Variants in SRBD1 observed in about 807,000 individuals in gnomAD.
The protein encoded by SRBD1 is S1 RNA-binding domain-containing protein 1.
A neutral mutation model predicts 115.3 loss-of-function variants in SRBD1; 88 were observed. That is an observed-to-expected ratio of 0.76 (90% CI 0.64 to 0.91). The LOEUF (loss-of-function observed/expected upper bound fraction) is 0.91. Among genes scored for constraint, SRBD1 ranks in the 40% least tolerant of loss-of-function variants. The pLI is 0.00. For missense variants in SRBD1, 1,385 were observed against 1,177.4 expected, an observed-to-expected ratio of 1.18 and a Z score of -2.58; for synonymous variants, 509 against 407.7, an observed-to-expected ratio of 1.25 and a Z score of -2.99.
intron 4 of SRBD1, 131 bp downstream of exon 4, chr2:45,599,318 C>T (rs1674011602): frequency 1.5e-6 from 2 of 1,308,986 alleles, no homozygotes; most frequent in Admixed American, 2.3e-5. Context: ...AGGAAAGCCT[C>T]CAGAAATCAC....
Position 45,389,489 on chromosome 2 carries a change from C to T in SRBD1, c.2809G>A (p.Asp937Asn). The change falls in exon 21 of 21, where the codon GAT (aspartate) becomes AAT (asparagine). Residue 937 changes from aspartate (D) to asparagine (N), a missense_variant. Physicochemically the swap from Asp to Asn is conservative, Grantham distance 23. Coordinates refer to ENST00000263736, the MANE Select transcript of SRBD1 (RefSeq NM_018079.5). ...ENATLFGIFV[D>N]IGVGKSGLIP... ...AGCCCAGATTTCCCCACTCCTATAT[C>T]CACAAAAATTCCAAAGAGAGTGGCA... 6.2e-7 allele frequency: 1 copy of T among 1,614,054 alleles called. No individual in the cohort carries two copies.
chr2:45,580,005 T>C lies in SRBD1; in HGVS notation c.942A>G (p.Pro314=), dbSNP rs374183702. The stretch of plus-strand genomic sequence containing the variant: ...TAGTCCCTTTGCTTCCAGTTTTATA[T>C]GGAGCAGACTAGAAAATAAAGACAG... The part of the protein sequence containing the change: ...TFEELEHVSA[P]YKTGSKGTKA... Residue 314 remains proline (P), a synonymous_variant, in exon 7 of 21, where the codon CCA becomes CCG. Transcript: ENST00000263736. The C allele has an allele frequency of 7.1e-6, 11 of 1,549,966 alleles. No individual in the cohort carries two copies. The East Asian group carries it at 1.8e-4, about 26-fold the overall frequency.
At chr2:45,532,190 A>G (rs2103985776) in intron 14 of SRBD1, among the ~76,000 whole-genome samples, 1 of 151,670 alleles carries the variant, frequency 6.6e-6, no homozygotes, top group Middle Eastern at 3.4e-3. Flanking sequence ...GCACCATCAC[A>G]ACCACCCTCC....
Position 45,553,731 on chromosome 2 carries a change from C to G in SRBD1, c.1410-1G>C, listed in dbSNP as rs778601109. The G allele has an allele frequency of 1.3e-6, 2 of 1,563,472 alleles. No homozygotes were observed. Among genetic ancestry groups the G allele is most frequent in the Non-Finnish European group, 1.7e-6 (2 of 1,158,188 alleles). ...CCTTGCAAAGCTACGTGGTCTCCAC[C>G]TGCAAAACAGAAAAGCCCACACTAA... On this transcript the variant is annotated splice_acceptor_variant, in intron 10 of 20. Transcript: ENST00000263736. LOFTEE classifies it high-confidence loss of function.
At chr2:45,450,139 G>C (rs1668949502) in intron 16 of SRBD1, among the ~76,000 whole-genome samples, 2 of 152,270 alleles carry the variant, frequency 1.3e-5, no homozygotes, top group South Asian at 2.1e-4. Flanking sequence ...TTCATCTCGT[G>C]AGAGTGTTAT....
chr2:45,424,154 TTTTTCTTCACAGCA>T (rs986179597), intron 16 of SRBD1, among the ~76,000 whole-genome samples: 3 of 152,160 alleles, frequency 2.0e-5, no homozygotes, highest in Non-Finnish European at 4.4e-5. Context: ...ATTTTCTCAA[TTTTTCTTCACAGCA>T]TTTTCTTCCC....
At chr2:45,561,098 C>T (rs984490306) in intron 10 of SRBD1, among the ~76,000 whole-genome samples, 1 of 152,012 alleles carries the variant, frequency 6.6e-6, no homozygotes, top group Non-Finnish European at 1.5e-5. Context: ...CAGAGTGAGA[C>T]CCTGTCTCTC....
intron 9 of SRBD1, among the ~76,000 whole-genome samples, chr2:45,571,619 A>C (rs1265394891): frequency 6.6e-6 from 1 of 151,762 alleles, no homozygotes; most frequent in Non-Finnish European, 1.5e-5. Flanking sequence ...TGCTGAATTC[A>C]AGAAAATCAT....
intron 12 of SRBD1, among the ~76,000 whole-genome samples, chr2:45,549,453 T>C (rs766605839): frequency 2.6e-5 from 4 of 151,432 alleles, no homozygotes; most frequent in African/African-American, 7.3e-5. Context: ...CTATATAGAA[T>C]GATTATTTTT....
chr2:45,462,448 A>C (rs1669344970), intron 16 of SRBD1, among the ~76,000 whole-genome samples: 1 of 152,172 alleles, frequency 6.6e-6, no homozygotes, highest in South Asian at 2.1e-4. Context: ...TAAATAATGA[A>C]ACAAAAGCCT....
chr2:45,510,657 G>A (rs1454616684), intron 14 of SRBD1, among the ~76,000 whole-genome samples: 7 of 152,276 alleles, frequency 4.6e-5, no homozygotes, highest in East Asian at 3.9e-4. Context: ...GACTAAAATC[G>A]TTTCCCTGAA....
At chr2:45,485,492 A>G (rs1173802557) in intron 15 of SRBD1, among the ~76,000 whole-genome samples, 3 of 152,134 alleles carry the variant, frequency 2.0e-5, no homozygotes, top group East Asian at 1.9e-4. Flanking sequence ...CATACACTCA[A>G]TCTTCCACTT....
chr2:45,551,056 T>C (rs1269134895), intron 12 of SRBD1, 69 bp downstream of exon 12: 2 of 1,510,482 alleles, frequency 1.3e-6, no homozygotes, highest in East Asian at 2.4e-5. Flanking sequence ...CAAATCCTCA[T>C]GAAATGTATG....
intron 14 of SRBD1, among the ~76,000 whole-genome samples, chr2:45,511,125 AG>A (rs1463938906): frequency 2.0e-5 from 3 of 152,250 alleles, no homozygotes. Context: ...ACTGAATTGC[AG>A]GCTGTACAAG....
intron 14 of SRBD1, among the ~76,000 whole-genome samples, chr2:45,500,956 T>C (rs1359819621): frequency 1.3e-5 from 2 of 152,232 alleles, no homozygotes; most frequent in African/African-American, 4.8e-5. Flanking sequence ...ATACTTGTCT[T>C]GTTCTGTATC....
Position 45,448,941 on chromosome 2 carries a change from G to A in SRBD1, c.2049+28052C>T, listed in dbSNP as rs1044583307. 5.3e-5 allele frequency among the ~76,000 whole-genome samples: 8 copies of A among 151,994 alleles called. No homozygotes were observed. In the East Asian group the frequency reaches 1.2e-3, roughly 22 times the overall value. Reference sequence around the variant, plus strand: ...TGGGGCAACTCATCTTAACTTTTACGGATATTTCCTTCAGGTTTTCCTAGG... The same window carrying A: ...TGGGGCAACTCATCTTAACTTTTACAGATATTTCCTTCAGGTTTTCCTAGG... On this transcript the variant is annotated intron_variant, in intron 16 of 20. Transcript: ENST00000263736.
intron 16 of SRBD1, among the ~76,000 whole-genome samples, chr2:45,453,500 C>A (rs1669059837): frequency 6.6e-6 from 1 of 151,918 alleles, no homozygotes; most frequent in African/African-American, 2.4e-5. Flanking sequence ...AATTACATTA[C>A]TTTTAATCAC....
At position 45,573,356 on chromosome 2, in the gene SRBD1, C is replaced by A. The variant is rs751538421; in HGVS notation, c.1170-14G>T. 3.1e-5 allele frequency: 50 copies of A among 1,592,062 alleles called. No individual in the cohort carries two copies. In the East Asian group the frequency reaches 9.4e-4, roughly 30 times the overall value. Reference sequence around the variant, plus strand: ...CTCTTCTGGCACCTGTTCAGATACACAAGTGTTCAAAAAACAAGCAGTTAT... The same window carrying A: ...CTCTTCTGGCACCTGTTCAGATACAAAAGTGTTCAAAAAACAAGCAGTTAT... On this transcript the variant is annotated splice_polypyrimidine_tract_variant and intron_variant, in intron 8 of 20. Coordinates refer to ENST00000263736, the MANE Select transcript of SRBD1 (RefSeq NM_018079.5).
rs888987512 is a variant in SRBD1 at position 45,530,764 on chromosome 2, G to C, written c.1874+15968C>G. ...CCAGAGGTCACTCTTCCAAATACAG[G>C]GGCTGAACCATATATGGTATATGGC... On this transcript the variant is annotated intron_variant, in intron 14 of 20. Coordinates refer to ENST00000263736, the MANE Select transcript of SRBD1 (RefSeq NM_018079.5). 2.6e-5 allele frequency among the ~76,000 whole-genome samples: 4 copies of C among 151,884 alleles called. No individual in the cohort carries two copies. In the South Asian group the frequency reaches 6.2e-4, roughly 24 times the overall value.
Sources: gnomAD v4.1 joint callset for allele counts (sites outside exome capture counted in the v4.1 genomes callset) on GRCh38, gnomAD v4.1.1 for gene constraint, MANE v1.5 for transcripts, NCBI Gene and HGNC (gene_info 2026-07-23, HGNC 2026-07-21) for gene names.